Variants in MYO16 observed in about 807,000 individuals in gnomAD.
MYO16 encodes the protein unconventional myosin-XVI.
Under a neutral mutation model 205.3 loss-of-function variants are expected in MYO16, and 94 were observed. The ratio of observed to expected loss-of-function variants is 0.46; its 90% CI spans 0.39 to 0.54. The LOEUF is 0.54. Among genes scored for constraint, MYO16 ranks in the 20% least tolerant of loss-of-function variants. The pLI is 0.00. For missense variants in MYO16, 2,315 were observed against 2,387.5 expected (o/e 0.97, Z 0.63); for synonymous variants, 988 against 954.0 (o/e 1.04, Z -0.66).
rs554466125 is a variant in MYO16 at position 108,868,976 on chromosome 13, A to G, written c.1425+2734A>G. The stretch of plus-strand genomic sequence containing the variant: ...TATGTTGGCACTTTTGCATAAAACT[A>G]GTAACTATACATAAATGGATATAGA... On this transcript the variant is annotated intron_variant, in intron 12 of 34. Transcript: ENST00000457511. 1.8e-4 allele frequency among the ~76,000 whole-genome samples: 27 copies of G among 152,168 alleles called. No homozygotes were observed. In the East Asian group the frequency reaches 4.8e-3, roughly 27 times the overall value.
intron 16 of MYO16, among the ~76,000 whole-genome samples, chr13:108,952,535 G>C (rs2139343575): frequency 6.6e-6 from 1 of 152,326 alleles, no homozygotes; most frequent in Admixed American, 6.5e-5. Flanking sequence ...TGGCCCATCA[G>C]TATCAAGAAA....
chr13:108,834,010 C>A (rs1321723233), intron 9 of MYO16, among the ~76,000 whole-genome samples: 1 of 151,912 alleles, frequency 6.6e-6, no homozygotes, highest in Admixed American at 6.6e-5. Context: ...ATAACAATTT[C>A]TTGTTGAATA....
intron 28 of MYO16, among the ~76,000 whole-genome samples, chr13:109,117,375 A>G (rs1284680953): frequency 7.5e-6 from 1 of 133,386 alleles, no homozygotes; most frequent in Non-Finnish European, 1.6e-5. Context: ...GCAAATATAT[A>G]TAATATATGC....
intron 4 of MYO16, among the ~76,000 whole-genome samples, chr13:108,753,234 T>G (rs372630173): frequency 1.8e-4 from 28 of 151,724 alleles, no homozygotes; most frequent in African/African-American, 5.6e-4. Context: ...GCCGGGTGTG[T>G]TGGCGGGCGC....
rs1183181448 is a variant in MYO16, at chr13:109,206,841, G to T, written c.*5G>T. 2 of 1,612,196 alleles carry T rather than the reference G, an allele frequency of 1.2e-6. No homozygotes were observed. The highest frequency in any genetic ancestry group is 1.7e-6 in the Non-Finnish European group (2 of 1,178,800). ...CTCTGGGACACCACCATTTGATGTG[G>T]CCTGAACTGCAGACTTACAAAATAG... is the stretch of plus-strand genomic sequence containing the variant. On this transcript the variant is annotated 3_prime_UTR_variant, in exon 35 of 35. Coordinates refer to ENST00000457511, the MANE Select transcript of MYO16 (RefSeq NM_001198950.3).
chr13:108,910,025 A>G lies in MYO16; in HGVS notation c.1800A>G (p.Leu600=), dbSNP rs769094110. ...CAGCCAGAATTTATACATATTTGCT[A>G]GAGAAATCCAGACTTGTTTCACAAC... ...LTGARIYTYL[L]EKSRLVSQPL... The change falls in exon 16 of 35, where the codon CTA becomes CTG. Residue 600 remains leucine (L), a synonymous_variant. Transcript: ENST00000457511. 1.9e-6 allele frequency: 3 copies of G among 1,613,014 alleles called. No individual in the cohort carries two copies. In the African/African-American group the frequency reaches 4.0e-5, roughly 22 times the overall value.
chr13:108,901,562 G>C (rs1401661606), intron 15 of MYO16, among the ~76,000 whole-genome samples: 4 of 152,162 alleles, frequency 2.6e-5, no homozygotes, highest in Admixed American at 1.3e-4. Context: ...TTTCAGACTT[G>C]CGTAGGGTTT....
At chr13:109,020,834 A>G (rs1885998849) in intron 23 of MYO16, among the ~76,000 whole-genome samples, 1 of 152,194 alleles carries the variant, frequency 6.6e-6, no homozygotes, top group African/African-American at 2.4e-5. Flanking sequence ...CAGTGTTTCT[A>G]GACTCTGCCT....
chr13:109,009,692 G>T (rs1225132018), intron 22 of MYO16, among the ~76,000 whole-genome samples: 1 of 152,144 alleles, frequency 6.6e-6, no homozygotes. Flanking sequence ...GGACATTGTT[G>T]AAAACAGACA....
rs770206757 is a variant in MYO16 at position 109,127,607 on chromosome 13, C to T, written c.4051+57C>T. ...TCCGGGCTCGCGCATGCTCTGACTT[C>T]GCCTTGGGGCGCCCATGGCAGTACT... is the stretch of plus-strand genomic sequence containing the variant. On this transcript the variant is annotated intron_variant, in intron 31 of 34. Transcript: ENST00000457511. This position sits in a 1 kb window ranked among gnomAD's most constrained non-coding sequence, Gnocchi z 4.2. 2.1e-5 allele frequency: 33 copies of T among 1,559,596 alleles called. No individual in the cohort carries two copies. The highest frequency in any genetic ancestry group is 2.7e-5 in the Non-Finnish European group (31 of 1,153,334).
intron 20 of MYO16, among the ~76,000 whole-genome samples, chr13:108,968,164 C>G (rs1011718476): frequency 2.6e-5 from 4 of 152,218 alleles, no homozygotes; most frequent in South Asian, 4.1e-4. Context: ...CTGTGCTCTC[C>G]TCACCGTGTC....
At chr13:108,801,135 A>C (rs1886957731) in intron 6 of MYO16, among the ~76,000 whole-genome samples, 1 of 152,266 alleles carries the variant, frequency 6.6e-6, no homozygotes, top group African/African-American at 2.4e-5. Flanking sequence ...TGCCGAGTTC[A>C]TAGAAATTAA....
At chr13:108,556,700 A>T in the MYO16 span, among the ~76,000 whole-genome samples, 1 of 152,156 alleles carries the variant, frequency 6.6e-6, no homozygotes, top group Non-Finnish European at 1.5e-5. Flanking sequence ...TTTAAAAATC[A>T]TTGCCCATAT....
At chr13:108,639,777 A>G (rs753976374) in intron 1 of MYO16, among the ~76,000 whole-genome samples, 7 of 152,188 alleles carry the variant, frequency 4.6e-5, no homozygotes, top group Non-Finnish European at 1.0e-4. Flanking sequence ...ATGGGTGAAG[A>G]GTTTGTGTTG....
At chr13:109,126,067 G>T (rs965113540) in intron 30 of MYO16, among the ~76,000 whole-genome samples, 1 of 152,160 alleles carries the variant, frequency 6.6e-6, no homozygotes, top group African/African-American at 2.4e-5. Flanking sequence ...TCAGGGAGAT[G>T]TTTGTTTTGC....
the MYO16 span, among the ~76,000 whole-genome samples, chr13:108,538,802 C>T: frequency 2.7e-3 from 404 of 152,150 alleles, 2 homozygotes; most frequent in African/African-American, 9.0e-3. Flanking sequence ...ACAAAAAATT[C>T]TCACATGGCA....
chr13:108,544,237 G>A, the MYO16 span, among the ~76,000 whole-genome samples: 1 of 152,064 alleles, frequency 6.6e-6, no homozygotes, highest in African/African-American at 2.4e-5. Context: ...GTAGCCATCA[G>A]TTCTCACTCT....
At chr13:108,874,376 TA>T (rs147492946) in intron 12 of MYO16, among the ~76,000 whole-genome samples, 8,775 of 152,164 alleles carry the variant, frequency 0.058, 357 homozygotes, top group Non-Finnish European at 0.085. Flanking sequence ...AGCAAGAAGT[TA>T]AAAAAATTAT....
chr13:108,527,249 G>T, the MYO16 span, among the ~76,000 whole-genome samples: 1 of 151,234 alleles, frequency 6.6e-6, no homozygotes, highest in South Asian at 2.1e-4. Context: ...TATAGGAAGG[G>T]TTTTTTTTTC....
Sources: allele counts gnomAD v4.1 joint callset (sites outside exome capture counted in the v4.1 genomes callset), GRCh38; gene constraint gnomAD v4.1.1; non-coding constraint Gnocchi (gnomAD v3.1); transcripts MANE v1.5; gene names NCBI Gene and HGNC (gene_info 2026-07-23, HGNC 2026-07-21).